Variants in CDH13 observed in about 807,000 individuals in gnomAD.
CDH13 encodes the protein cadherin-13.
Under a neutral mutation model 63.8 loss-of-function variants are expected in CDH13, and 24 were observed. That is an observed-to-expected ratio of 0.38 (90% confidence interval 0.27 to 0.53). CDH13 has a LOEUF of 0.53. Among genes scored for constraint, CDH13 ranks in the 20% least tolerant of loss-of-function variants. CDH13 has a pLI of 0.85. For synonymous variants in CDH13, 503 were observed against 355.3 expected (o/e 1.42, Z -4.67); for missense variants, 1,049 against 903.1 (o/e 1.16, Z -2.07).
At chr16:83,142,235 A>C (rs927352788) in intron 4 of CDH13, among the ~76,000 whole-genome samples, 1 of 144,106 alleles carries the variant, frequency 6.9e-6, no homozygotes, top group Non-Finnish European at 1.5e-5. Flanking sequence ...ATCTCAGCTC[A>C]CCACAGCCTC....
chr16:83,536,395 G>T (rs1411422755), intron 7 of CDH13, among the ~76,000 whole-genome samples: 1 of 152,150 alleles, frequency 6.6e-6, no homozygotes, highest in East Asian at 1.9e-4. Context: ...GATCCTTGGG[G>T]TGAATCAAGA....
intron 5 of CDH13, among the ~76,000 whole-genome samples, chr16:83,301,025 G>GTTTTTTTTTTTTTTTTTTTTTTTT (rs3052591): frequency 2.5e-5 from 2 of 78,758 alleles, no homozygotes; most frequent in East Asian, 4.6e-4. Context: ...ACTTTCTGGG[G>GTTTTTTTTTTTTTTTTTTTTTTTT]TTTTTTTTTT....
At chr16:83,187,931 C>G (rs1220731048) in intron 4 of CDH13, among the ~76,000 whole-genome samples, 3 of 152,100 alleles carry the variant, frequency 2.0e-5, no homozygotes, top group Non-Finnish European at 4.4e-5. Flanking sequence ...ATGCATCTAT[C>G]TGGGGGCTGA....
rs144113610 is a variant in CDH13 at position 83,292,294 on chromosome 16, C to T, written c.637-52568C>T. 1.8e-3 allele frequency among the ~76,000 whole-genome samples: 268 copies of T among 152,256 alleles called. 1 individual carries two copies. The highest frequency in any genetic ancestry group is 6.2e-3 in the African/African-American group (257 of 41,536). ...CTTAGAAGTGGCTTCATTAATGTTG[C>T]ATTTGTAGTTTGAGTTCTGCTCTTC... On this transcript the variant is annotated intron_variant, in intron 5 of 13. Transcript: ENST00000567109.
At chr16:83,543,061 A>C (rs2075322829) in intron 7 of CDH13, among the ~76,000 whole-genome samples, 1 of 152,254 alleles carries the variant, frequency 6.6e-6, no homozygotes, top group Non-Finnish European at 1.5e-5. Context: ...TGCAAAGACA[A>C]CATTCCTTTC....
chr16:83,341,841 G>C (rs1220905780), intron 5 of CDH13, among the ~76,000 whole-genome samples: 1 of 152,088 alleles, frequency 6.6e-6, no homozygotes, highest in Non-Finnish European at 1.5e-5. Context: ...CTCAGAGTCT[G>C]CTATTGCTAT....
intron 6 of CDH13, among the ~76,000 whole-genome samples, chr16:83,410,542 G>A (rs957815090): frequency 1.3e-5 from 2 of 152,012 alleles, no homozygotes; most frequent in Admixed American, 1.3e-4. Flanking sequence ...TATATTGAAG[G>A]CAATACCCAC....
intron 3 of CDH13, among the ~76,000 whole-genome samples, chr16:83,082,265 A>G (rs748358841): frequency 6.6e-6 from 1 of 152,208 alleles, no homozygotes; most frequent in African/African-American, 2.4e-5. Flanking sequence ...TATTCATTGC[A>G]TCTCAACAGC....
chr16:83,411,256 C>T (rs188986767), intron 6 of CDH13, among the ~76,000 whole-genome samples: 1 of 152,228 alleles, frequency 6.6e-6, no homozygotes, highest in Non-Finnish European at 1.5e-5. Flanking sequence ...TGAAATGTAG[C>T]TTCCTCAGAG....
intron 8 of CDH13, among the ~76,000 whole-genome samples, chr16:83,656,662 C>G (rs1912899495): frequency 6.6e-6 from 1 of 152,224 alleles, no homozygotes; most frequent in Non-Finnish European, 1.5e-5. Flanking sequence ...GATCAAGGCT[C>G]CTGAGCCATT....
intron 4 of CDH13, among the ~76,000 whole-genome samples, chr16:83,162,787 C>T (rs891189215): frequency 6.6e-6 from 1 of 152,026 alleles, no homozygotes; most frequent in African/African-American, 2.4e-5. Context: ...TGGCAAACTC[C>T]CCAGGTGATT....
intron 6 of CDH13, among the ~76,000 whole-genome samples, chr16:83,399,686 C>A (rs1245877834): frequency 1.3e-5 from 2 of 152,278 alleles, no homozygotes; most frequent in Non-Finnish European, 2.9e-5. Flanking sequence ...GGGAATCTTG[C>A]TTTTGGAGTC....
intron 2 of CDH13, among the ~76,000 whole-genome samples, chr16:83,019,309 A>G (rs774130731): frequency 2.0e-5 from 3 of 151,980 alleles, no homozygotes; most frequent in South Asian, 2.1e-4. Flanking sequence ...ACATGAACAC[A>G]TACATTTGCC....
At chr16:83,482,642 A>G (rs567480414) in intron 6 of CDH13, among the ~76,000 whole-genome samples, 167 of 152,370 alleles carry the variant, frequency 1.1e-3, no homozygotes, top group African/African-American at 3.8e-3. Context: ...GGTACTGGCA[A>G]GAGCCAAGCA....
intron 7 of CDH13, among the ~76,000 whole-genome samples, chr16:83,531,483 T>C (rs2075082160): frequency 6.6e-6 from 1 of 152,344 alleles, no homozygotes. Context: ...GAGGGGCTTA[T>C]AAAGCGGAGT....
intron 1 of CDH13, among the ~76,000 whole-genome samples, chr16:82,700,157 G>A (rs1041208506): frequency 6.6e-6 from 1 of 152,206 alleles, no homozygotes; most frequent in Non-Finnish European, 1.5e-5. Flanking sequence ...GGATCATTTA[G>A]GTTAAAGAAA....
At chr16:83,240,017 A>G (rs909604173) in intron 5 of CDH13, among the ~76,000 whole-genome samples, 1 of 152,162 alleles carries the variant, frequency 6.6e-6, no homozygotes, top group South Asian at 2.1e-4. Context: ...AAAGCCCCAC[A>G]GGTGTACAGC....
intron 2 of CDH13, among the ~76,000 whole-genome samples, chr16:82,931,996 G>A (rs1230926565): frequency 6.6e-6 from 1 of 152,124 alleles, no homozygotes; most frequent in East Asian, 1.9e-4. Context: ...GAAAAGGGGG[G>A]CACAGTTAAG....
chr16:83,489,841 A>G (rs1283355043), intron 7 of CDH13, among the ~76,000 whole-genome samples: 1 of 152,232 alleles, frequency 6.6e-6, no homozygotes, highest in Non-Finnish European at 1.5e-5. Flanking sequence ...CATTTAAGAA[A>G]GTATCCCATT....
Sources: gnomAD v4.1 joint callset for allele counts (sites outside exome capture counted in the v4.1 genomes callset) on GRCh38, gnomAD v4.1.1 for gene constraint, MANE v1.5 for transcripts, NCBI Gene and HGNC (gene_info 2026-07-23, HGNC 2026-07-21) for gene names.